ZEB2: variants seen among roughly 807,000 people sequenced by gnomAD.
The protein encoded by ZEB2 is zinc finger E-box binding homeobox 2.
A neutral mutation model predicts 99.9 loss-of-function variants in ZEB2; 6 were observed. That is an observed-to-expected ratio of 0.06 (90% CI 0.03 to 0.12). The LOEUF (loss-of-function observed/expected upper bound fraction) is 0.12, where lower values mean the gene tolerates loss of function less well. ZEB2 is among the 10% of genes least tolerant of loss of function. The pLI, the probability that ZEB2 is intolerant of heterozygous loss-of-function variation, is 1.00. For synonymous variants in ZEB2, 517 were observed against 542.5 expected (o/e 0.95, Z 0.65); for missense variants, 969 against 1,502.8 (o/e 0.64, Z 5.87).
chr2:144,404,113 G>C lies in ZEB2; in HGVS notation c.610C>G (p.Pro204Ala), dbSNP rs1181070035. The C allele has an allele frequency of 6.2e-7, 1 of 1,613,984 alleles. No homozygotes were observed. The highest frequency in any genetic ancestry group is 1.7e-5 in the Admixed American group (1 of 59,990). Reference protein sequence around the residue: ...QEENDLPPGTPDAFAQLLTCP... With the variant: ...QEENDLPPGTADAFAQLLTCP... ...GTCAGCAGTTGGGCAAAAGCATCTG[G>C]AGTTCCAGGTGGCAGGTCTGTAGCC... The change falls in exon 6 of 10, where the codon CCA becomes GCA. Residue 204 changes from proline to alanine, a missense_variant. By Grantham distance (27) the Pro-to-Ala change is conservative. Coordinates refer to ENST00000627532, the MANE Select transcript of ZEB2 (RefSeq NM_014795.4).
chr2:144,482,411 TCTTA>T (rs1247793479), intron 2 of ZEB2: 1 of 152,236 alleles, frequency 6.6e-6, no homozygotes, highest in Non-Finnish European at 1.5e-5. Flanking sequence ...CAAAGATTTC[TCTTA>T]CTAATTTTTA....
chr2:144,471,857 T>C (rs1704360727), intron 2 of ZEB2, among the ~76,000 whole-genome samples: 1 of 152,082 alleles, frequency 6.6e-6, no homozygotes, highest in African/African-American at 2.4e-5. Context: ...AGTGGATATA[T>C]GTTATTTGCA....
intron 6 of ZEB2, among the ~76,000 whole-genome samples, chr2:144,403,315 T>C (rs1177423005): frequency 1.3e-5 from 2 of 152,164 alleles, no homozygotes; most frequent in Non-Finnish European, 2.9e-5. Flanking sequence ...CAAATATGTA[T>C]ATTAAGGGAT....
rs767831638 is a variant in ZEB2 at position 144,429,878 on chromosome 2, C to T, written c.222G>A (p.Val74=). 9.9e-6 allele frequency: 16 copies of T among 1,613,728 alleles called. No individual in the cohort carries two copies. The East Asian group carries it at 3.3e-4, about 34-fold the overall frequency. The change falls in exon 3 of 10, where the codon GTG becomes GTA. Residue 74 remains valine, a synonymous_variant. Coordinates refer to ENST00000627532, the MANE Select transcript of ZEB2 (RefSeq NM_014795.4). ...CCTCTCTTGGCAACAGAGCTTGGCT[C>T]ACGTGTGGGGAGGACTCATGGTTGG... The part of the protein sequence containing the change: ...SVPNHESSPH[V]SQALLPREEE...
intron 2 of ZEB2, among the ~76,000 whole-genome samples, chr2:144,432,865 G>C (rs898503654): frequency 1.3e-5 from 2 of 152,074 alleles, no homozygotes; most frequent in Non-Finnish European, 1.5e-5. Context: ...AATAACCAAC[G>C]TATACTGGTT....
chr2:144,517,346 T>C lies in ZEB2; in HGVS notation c.5A>G (p.Lys2Arg), dbSNP rs1462176732. The C allele has an allele frequency of 6.2e-7, 1 of 1,613,654 alleles. No homozygotes were observed. Among genetic ancestry groups the C allele is most frequent in the South Asian group, 1.1e-5 (1 of 91,084 alleles). Reference sequence around the variant, plus strand: ...GGGGCCATCCGCCATGATCGGCTGCTTCATTGATAAGAGCGGATCAGATGG... The same window carrying C: ...GGGGCCATCCGCCATGATCGGCTGCCTCATTGATAAGAGCGGATCAGATGG... The part of the protein sequence containing the change: M[K>R]QPIMADGPRC... The change falls in exon 2 of 10, where the codon AAG becomes AGG. Residue 2 changes from lysine (K) to arginine (R), a missense_variant. Physicochemically the swap from Lys to Arg is conservative, Grantham distance 26. Transcript: ENST00000627532.
intron 1 of ZEB2, chr2:144,519,204 C>T (rs1350783778): frequency 6.6e-6 from 1 of 152,176 alleles, no homozygotes; most frequent in Non-Finnish European, 1.5e-5. Context: ...ATTTAAAACC[C>T]TGATATCCTG....
chr2:144,488,662 C>CATGTGTGAGT (rs1246686457), intron 2 of ZEB2, among the ~76,000 whole-genome samples: 4 of 83,548 alleles, frequency 4.8e-5, no homozygotes, highest in African/African-American at 1.5e-4. Flanking sequence ...GATAATTGCT[C>CATGTGTGAGT]GTGTGTGAGT....
chr2:144,405,085 C>A, intron 4 of ZEB2, 61 bp from the exon 5 acceptor site: 1 of 1,532,108 alleles, frequency 6.5e-7, no homozygotes, highest in Non-Finnish European at 8.9e-7. Context: ...ATCCCAAGTC[C>A]ATCTCCATCA....
At chr2:144,457,821 A>G (rs1704141127) in intron 2 of ZEB2, among the ~76,000 whole-genome samples, 1 of 152,160 alleles carries the variant, frequency 6.6e-6, no homozygotes, top group Admixed American at 6.5e-5. Flanking sequence ...ATTCAAATGG[A>G]TTCTACAAAT....
intron 2 of ZEB2, among the ~76,000 whole-genome samples, chr2:144,438,949 G>T (rs937097918): frequency 1.3e-5 from 2 of 151,986 alleles, no homozygotes; most frequent in Non-Finnish European, 2.9e-5. Context: ...AGACACAAAA[G>T]CTCAACACAT....
chr2:144,441,708 TAAGCC>T (rs1251115660), intron 2 of ZEB2, among the ~76,000 whole-genome samples: 1 of 152,178 alleles, frequency 6.6e-6, no homozygotes, highest in Non-Finnish European at 1.5e-5. Flanking sequence ...TGTTTTAGAC[TAAGCC>T]ACCTTTTTCT....
At chr2:144,440,408 A>G (rs1703889652) in intron 2 of ZEB2, among the ~76,000 whole-genome samples, 1 of 151,598 alleles carries the variant, frequency 6.6e-6, no homozygotes, top group Admixed American at 6.6e-5. Context: ...CTATACATTT[A>G]CATTATTTGT....
rs1018574347 is a variant in ZEB2 at position 144,512,349 on chromosome 2, T to A, written c.73+4929A>T. The A allele has an allele frequency of 1.3e-5, 17 of 1,287,080 alleles. No individual in the cohort carries two copies. The Admixed American group carries it at 2.1e-4, about 16-fold the overall frequency. 79.7% of individuals were successfully genotyped at this position (1,287,080 alleles called of 1,614,324 possible). A position where few individuals can be genotyped will look rare whatever the true frequency, so the allele number is the denominator to read the frequency against. On this transcript the variant is annotated intron_variant, in intron 2 of 9. Coordinates refer to ENST00000627532, the MANE Select transcript of ZEB2 (RefSeq NM_014795.4). ...GTTGCAAGGAAAAGAATCTCCCACA[T>A]CTTAGAATAAACGCGGCACTGCTAG...
At chr2:144,424,768 T>C in intron 4 of ZEB2, 28 bp downstream of exon 4, 1 of 1,613,562 alleles carries the variant, frequency 6.2e-7, no homozygotes, top group African/African-American at 1.3e-5. Flanking sequence ...AGGACAAATG[T>C]GATCTGAGCG....
chr2:144,398,150 T>C, intron 8 of ZEB2, 151 bp downstream of exon 8: 1 of 910,034 alleles, frequency 1.1e-6, no homozygotes, highest in South Asian at 1.5e-5. Flanking sequence ...TCATCCATTG[T>C]TCTAGCCCAC....
chr2:144,463,446 T>C (rs928462732), intron 2 of ZEB2: 1 of 152,176 alleles, frequency 6.6e-6, no homozygotes, highest in Non-Finnish European at 1.5e-5. Flanking sequence ...TATTGAAGCT[T>C]TCTTGGCACC....
chr2:144,464,931 T>C (rs1704251027), intron 2 of ZEB2, among the ~76,000 whole-genome samples: 1 of 152,198 alleles, frequency 6.6e-6, no homozygotes, highest in Non-Finnish European at 1.5e-5. Context: ...GGTGAGCTTC[T>C]TGATAAGATA....
rs1703231354 is a variant in ZEB2 at position 144,396,509 on chromosome 2, C to A, written c.2970G>T (p.Lys990Asn). 1 of 1,614,116 alleles carries A rather than the reference C, an allele frequency of 6.2e-7. No individual in the cohort carries two copies. Among genetic ancestry groups the A allele is most frequent in the Non-Finnish European group, 8.5e-7 (1 of 1,179,994 alleles). ...TDSDSCLSRK[K>N]IKKTESGMYA... ...ACATGCCACTCTCTGTCTTCTTGAT[C>A]TTTTTGCGAGACAGACAGGAGTCGG... Residue 990 changes from lysine to asparagine, a missense_variant, in exon 9 of 10, where the codon AAG (lysine) becomes AAT (asparagine). By Grantham distance (94) the Lys-to-Asn change is moderately conservative. This residue lies in a region of ZEB2 where 346 missense variants were observed against 460.0 expected (regional missense o/e 0.75). Coordinates refer to ENST00000627532, the MANE Select transcript of ZEB2 (RefSeq NM_014795.4).
Sources: allele counts gnomAD v4.1 joint callset (sites outside exome capture counted in the v4.1 genomes callset), GRCh38; gene constraint gnomAD v4.1.1; regional missense constraint gnomAD v4.1.1; transcripts MANE v1.5; gene names NCBI Gene and HGNC (gene_info 2026-07-23, HGNC 2026-07-21).